TBC1D2B: variants seen among roughly 807,000 people sequenced by gnomAD.
TBC1D2B encodes TBC1 domain family, member 2B.
TBC1D2B carries 64 observed loss-of-function variants against 100.8 expected under a neutral mutation model. The ratio of observed to expected loss-of-function variants is 0.64; its 90% CI spans 0.52 to 0.78. The LOEUF is 0.78. Among genes scored for constraint, TBC1D2B ranks in the 30% least tolerant of loss-of-function variants. TBC1D2B has a pLI of 0.00. For synonymous variants in TBC1D2B, 480 were observed against 479.7 expected, an observed-to-expected ratio of 1.00 and a Z score of -0.01; for missense variants, 1,052 against 1,218.4, an observed-to-expected ratio of 0.86 and a Z score of 2.03.
chr15:77,999,858 C>T (rs2071865094), intron 12 of TBC1D2B, among the ~76,000 whole-genome samples: 1 of 152,236 alleles, frequency 6.6e-6, no homozygotes, highest in African/African-American at 2.4e-5. Context: ...GAAGGTGCCC[C>T]ATGGTCAGCT....
intron 8 of TBC1D2B, among the ~76,000 whole-genome samples, chr15:78,014,694 C>G (rs1434787246): frequency 1.3e-5 from 2 of 152,060 alleles, no homozygotes; most frequent in Admixed American, 6.5e-5. Context: ...TCGAGGCCAG[C>G]CAGGGCAACA....
intron 12 of TBC1D2B, 29 bp from the exon 13 acceptor site, chr15:77,998,384 A>C: frequency 1.3e-6 from 2 of 1,539,562 alleles, no homozygotes; most frequent in Non-Finnish European, 1.8e-6. Context: ...GAGACAAGAG[A>C]ATCAGCGGCG....
intron 2 of TBC1D2B, chr15:78,053,804 C>T (rs1260991014): frequency 1.3e-5 from 6 of 450,078 alleles, no homozygotes; most frequent in South Asian, 1.3e-4. Flanking sequence ...TGACCTTAGT[C>T]GTATCTTCCA....
At position 77,998,309 on chromosome 15, in the gene TBC1D2B, G is replaced by T; in HGVS notation, c.2743C>A (p.Arg915Ser). The T allele has an allele frequency of 1.2e-6, 2 of 1,603,056 alleles. No individual in the cohort carries two copies. Among genetic ancestry groups the T allele is most frequent in the Non-Finnish European group, 1.7e-6 (2 of 1,175,292 alleles). Residue 915 changes from arginine to serine, a missense_variant, in exon 13 of 13, where the codon CGC becomes AGC. Coordinates refer to ENST00000300584, the MANE Select transcript of TBC1D2B (RefSeq NM_144572.2). The stretch of plus-strand genomic sequence containing the variant: ...TAGGCGCGTCGGTTCCGGATCTGGC[G>T]TAGGGGGAAAGGGTTCAGGTCCCCA... ...SFGDLNPFPL[R>S]QIRNRRAYHL... is the part of the protein sequence containing the mutation.
In TBC1D2B at chr15:77,997,962, G is replaced by A. The variant is rs1412395307; in HGVS notation, c.*198C>T. The A allele has an allele frequency of 9.2e-6, 4 of 433,938 alleles. No homozygotes were observed. Among genetic ancestry groups the A allele is most frequent in the Admixed American group, 4.4e-5 (1 of 22,924 alleles). 26.9% of individuals were successfully genotyped at this position (433,938 alleles called of 1,614,324 possible). On this transcript the variant is annotated 3_prime_UTR_variant, in exon 13 of 13. Transcript: ENST00000300584. The stretch of plus-strand genomic sequence containing the variant: ...ATACGTGTAACCAAAAGCATGGCAC[G>A]GAAATGGTTGTAAACAGATTAGACC...
At chr15:78,064,371 CACGAAGG>C in intron 1 of TBC1D2B, among the ~76,000 whole-genome samples, 1 of 152,290 alleles carries the variant, frequency 6.6e-6, no homozygotes, top group South Asian at 2.1e-4. Flanking sequence ...AACCAACAAT[CACGAAGG>C]AGCCACAGGA....
intron 4 of TBC1D2B, among the ~76,000 whole-genome samples, chr15:78,029,492 A>G (rs771369875): frequency 2.0e-5 from 3 of 152,250 alleles, no homozygotes. Flanking sequence ...AGTTGTAGTT[A>G]TAATTTTTTT....
rs868324917 is a variant in TBC1D2B, at chr15:78,028,669, C to T, written c.847+1338G>A. ...AGCACGCAGCATCTCCCCACCAAAACAGCATTCCTGTCGAATCAGAAGTCA... is the reference window on the plus strand; with the variant it reads ...AGCACGCAGCATCTCCCCACCAAAATAGCATTCCTGTCGAATCAGAAGTCA... On this transcript the variant is annotated intron_variant, in intron 4 of 12. Transcript: ENST00000300584. 7.2e-5 allele frequency among the ~76,000 whole-genome samples: 11 copies of T among 152,336 alleles called. No homozygotes were observed. The Middle Eastern group carries it at 0.01, about 141-fold the overall frequency.
intron 5 of TBC1D2B, 71 bp downstream of exon 5, chr15:78,025,188 A>T: frequency 7.5e-7 from 1 of 1,325,690 alleles, no homozygotes; most frequent in South Asian, 1.2e-5. Context: ...GGGAAACATA[A>T]ATTGGGCTTT....
rs2073371566 is a variant in TBC1D2B, at chr15:78,054,152, C to T, written c.396G>A (p.Gln132=). 6.2e-7 allele frequency: 1 copy of T among 1,613,706 alleles called. No homozygotes were observed. Among genetic ancestry groups the T allele is most frequent in the African/African-American group, 1.3e-5 (1 of 75,012 alleles). ...PNRQLMTYWL[Q]ELQQKRWEYC... Reference sequence around the variant, plus strand: ...ATTCCCATCTCTTCTGCTGAAGCTCCTGTAACCAGTAAGTCATGAGTTGAC... The same window carrying T: ...ATTCCCATCTCTTCTGCTGAAGCTCTTGTAACCAGTAAGTCATGAGTTGAC... The change falls in exon 2 of 13, where the codon CAG becomes CAA. Residue 132 remains glutamine, a synonymous_variant. Transcript: ENST00000300584.
chr15:78,036,427 T>C (rs529260511), intron 3 of TBC1D2B, among the ~76,000 whole-genome samples: 3 of 152,204 alleles, frequency 2.0e-5, no homozygotes, highest in African/African-American at 4.8e-5. Context: ...GGTGGGACCA[T>C]TAAGAGGTGA....
intron 1 of TBC1D2B, 149 bp from the exon 2 acceptor site, chr15:78,054,336 T>C: frequency 7.6e-6 from 6 of 787,420 alleles, no homozygotes; most frequent in Non-Finnish European, 1.1e-5. Flanking sequence ...GATTAGTAGC[T>C]TTTGCTCATG....
At chr15:78,064,713 G>A (rs189886386) in intron 1 of TBC1D2B, among the ~76,000 whole-genome samples, 1 of 151,920 alleles carries the variant, frequency 6.6e-6, no homozygotes, top group African/African-American at 2.4e-5. Flanking sequence ...TCAAAATCAT[G>A]AGCCTGGAAA....
At chr15:78,032,697 A>G (rs1482440998) in intron 3 of TBC1D2B, among the ~76,000 whole-genome samples, 1 of 152,118 alleles carries the variant, frequency 6.6e-6, no homozygotes, top group Non-Finnish European at 1.5e-5. Context: ...TAAAATTTCC[A>G]AAGATAAAAC....
At chr15:78,032,416 A>AT (rs2072838643) in intron 3 of TBC1D2B, among the ~76,000 whole-genome samples, 1 of 151,720 alleles carries the variant, frequency 6.6e-6, no homozygotes, top group African/African-American at 2.4e-5. Flanking sequence ...GCAATAAAAA[A>AT]AATATATATA....
intron 4 of TBC1D2B, among the ~76,000 whole-genome samples, chr15:78,027,772 T>C (rs751428140): frequency 1.4e-4 from 22 of 152,246 alleles, no homozygotes; most frequent in Non-Finnish European, 2.8e-4. Context: ...AGTACTTATT[T>C]TCAATAACCC....
chr15:78,048,011 T>C (rs1271439668), intron 2 of TBC1D2B, among the ~76,000 whole-genome samples: 3 of 152,176 alleles, frequency 2.0e-5, no homozygotes, highest in Non-Finnish European at 2.9e-5. Context: ...CTGTGTGGGC[T>C]AGTAGCAAGG....
chr15:78,021,014 C>A (rs1014359327), intron 6 of TBC1D2B, among the ~76,000 whole-genome samples: 14 of 152,182 alleles, frequency 9.2e-5, no homozygotes, highest in Non-Finnish European at 1.9e-4. Context: ...AAAGTCCATA[C>A]ACTTCAAAAA....
Position 77,997,477 on chromosome 15 carries a change from GT to G in TBC1D2B, c.*682del, listed in dbSNP as rs2071794099. The G allele has an allele frequency of 6.6e-6, 1 of 152,342 alleles. No individual in the cohort carries two copies. Among genetic ancestry groups the G allele is most frequent in the South Asian group, 2.1e-4 (1 of 4,834 alleles). The allele number at this position is 152,342 out of a possible 1,614,324, so 9.4% of individuals were successfully genotyped here. On this transcript the variant is annotated 3_prime_UTR_variant, in exon 13 of 13. Coordinates refer to ENST00000300584, the MANE Select transcript of TBC1D2B (RefSeq NM_144572.2). ...CACAGGCTGGCCATGAGAAGTGAGG[GT>G]GGGTGTCTGGGCAGCCAGGCCCTCC... is the stretch of plus-strand genomic sequence containing the variant.
Sources: gnomAD v4.1 joint callset for allele counts (sites outside exome capture counted in the v4.1 genomes callset) on GRCh38, gnomAD v4.1.1 for gene constraint, MANE v1.5 for transcripts, NCBI Gene and HGNC (gene_info 2026-07-23, HGNC 2026-07-21) for gene names.